The following ROBO1 variants were observed in gnomAD, a reference collection of about 807,000 sequenced individuals.
The protein encoded by ROBO1 is roundabout homolog 1.
Under a neutral mutation model 195.9 loss-of-function variants are expected in ROBO1, and 149 were observed. That is an observed-to-expected ratio of 0.76 (90% CI 0.67 to 0.87). ROBO1 has a LOEUF of 0.87. Ranked by LOEUF, ROBO1 falls within the 40% of genes least tolerant of loss-of-function variation. The pLI is 0.00. For synonymous variants in ROBO1, 816 were observed against 733.2 expected (o/e 1.11, Z -1.82); for missense variants, 1,933 against 2,068.3 (o/e 0.93, Z 1.27).
intron 28 of ROBO1, among the ~76,000 whole-genome samples, chr3:78,613,691 ATTC>A (rs1006009988): frequency 7.9e-5 from 12 of 152,336 alleles, no homozygotes; most frequent in African/African-American, 2.9e-4. Context: ...TTTGTATTAA[ATTC>A]TTCTGTCAAG....
At chr3:78,992,143 C>A (rs972553604) in intron 3 of ROBO1, among the ~76,000 whole-genome samples, 1 of 152,042 alleles carries the variant, frequency 6.6e-6, no homozygotes, top group Admixed American at 6.6e-5. Context: ...AGACTGAATA[C>A]AATTATTTGA....
At chr3:79,157,451 T>A (rs983873883) in intron 2 of ROBO1, among the ~76,000 whole-genome samples, 1 of 151,892 alleles carries the variant, frequency 6.6e-6, no homozygotes, top group Non-Finnish European at 1.5e-5. Flanking sequence ...GCCAGAGAGC[T>A]GTCTAAGGAT....
chr3:78,960,478 A>T (rs2107828437), intron 3 of ROBO1, among the ~76,000 whole-genome samples: 1 of 152,008 alleles, frequency 6.6e-6, no homozygotes, highest in Non-Finnish European at 1.5e-5. Context: ...GAAGAAGAAA[A>T]GTTAAAAGAA....
At chr3:79,319,958 T>G (rs991049622) in intron 2 of ROBO1, among the ~76,000 whole-genome samples, 5 of 152,214 alleles carry the variant, frequency 3.3e-5, no homozygotes, top group African/African-American at 1.2e-4. Context: ...GTCAAGAAGT[T>G]GTAAACTGTA....
chr3:79,707,454 A>G (rs1367010249), intron 1 of ROBO1, among the ~76,000 whole-genome samples: 1 of 151,922 alleles, frequency 6.6e-6, no homozygotes, highest in Non-Finnish European at 1.5e-5. Flanking sequence ...TTTTGCTCTC[A>G]TTGCTTTTTC....
At chr3:78,713,349 C>CT (rs1008160787) in intron 8 of ROBO1, among the ~76,000 whole-genome samples, 2 of 151,738 alleles carry the variant, frequency 1.3e-5, no homozygotes, top group African/African-American at 4.8e-5. Flanking sequence ...CAAAAGCCAC[C>CT]TTTTTTTTCT....
At chr3:79,272,362 C>G (rs527983854) in intron 2 of ROBO1, among the ~76,000 whole-genome samples, 8 of 151,950 alleles carry the variant, frequency 5.3e-5, no homozygotes, top group Admixed American at 3.3e-4. Flanking sequence ...GCAAGATGGC[C>G]AAGTAGAAGC....
At chr3:79,632,224 T>A (rs1351724066) in intron 1 of ROBO1, among the ~76,000 whole-genome samples, 1 of 152,088 alleles carries the variant, frequency 6.6e-6, no homozygotes, top group Non-Finnish European at 1.5e-5. Flanking sequence ...AGTCATAGAA[T>A]CATCTTAAGT....
chr3:79,046,909 C>G (rs531036666), intron 3 of ROBO1, among the ~76,000 whole-genome samples: 2 of 152,178 alleles, frequency 1.3e-5, no homozygotes, highest in African/African-American at 4.8e-5. Context: ...TTGTTATAAG[C>G]TTTTAATTAT....
intron 2 of ROBO1, among the ~76,000 whole-genome samples, chr3:79,271,563 C>T (rs1032152055): frequency 6.6e-6 from 1 of 152,100 alleles, no homozygotes; most frequent in South Asian, 2.1e-4. Context: ...ATGCTTTCTT[C>T]CTGCTCTTTT....
At chr3:79,550,226 GAAAAGA>G (rs1942457202) in intron 2 of ROBO1, among the ~76,000 whole-genome samples, 1 of 143,234 alleles carries the variant, frequency 7.0e-6, no homozygotes, top group Non-Finnish European at 1.5e-5. Flanking sequence ...GAAAAGAAAA[GAAAAGA>G]AAAGAAAAGA....
At chr3:79,284,422 T>C (rs1261964914) in intron 2 of ROBO1, among the ~76,000 whole-genome samples, 2 of 152,162 alleles carry the variant, frequency 1.3e-5, no homozygotes, top group Non-Finnish European at 2.9e-5. Flanking sequence ...CCATGGCACA[T>C]GTATACCTAT....
At chr3:79,520,519 T>A (rs1439546045) in intron 2 of ROBO1, among the ~76,000 whole-genome samples, 7 of 152,154 alleles carry the variant, frequency 4.6e-5, no homozygotes, top group Admixed American at 4.6e-4. Context: ...CCATGGCAAA[T>A]GTTTAATATT....
intron 1 of ROBO1, among the ~76,000 whole-genome samples, chr3:79,716,703 C>T (rs1019552979): frequency 6.6e-6 from 1 of 151,784 alleles, no homozygotes; most frequent in Non-Finnish European, 1.5e-5. Context: ...GCCAGTAATA[C>T]CAGCTGCACA....
intron 2 of ROBO1, among the ~76,000 whole-genome samples, chr3:79,309,288 G>A (rs972462868): frequency 1.3e-5 from 2 of 152,106 alleles, no homozygotes; most frequent in African/African-American, 2.4e-5. Context: ...TCACTGTGAG[G>A]CTGGGTGCAG....
At chr3:79,275,543 T>C (rs541818735) in intron 2 of ROBO1, among the ~76,000 whole-genome samples, 1 of 152,022 alleles carries the variant, frequency 6.6e-6, no homozygotes, top group South Asian at 2.1e-4. Context: ...GGAGAAAACC[T>C]GAAAGCCTTC....
At chr3:79,039,826 G>A (rs1199349520) in intron 3 of ROBO1, among the ~76,000 whole-genome samples, 2 of 32,454 alleles carry the variant, frequency 6.2e-5, no homozygotes, top group African/African-American at 2.2e-4. Flanking sequence ...AAAAAGTTAT[G>A]TCTATTAAGG....
At chr3:78,809,152 G>GAA (rs200022484) in intron 4 of ROBO1, among the ~76,000 whole-genome samples, 3 of 146,070 alleles carry the variant, frequency 2.1e-5, no homozygotes, top group African/African-American at 7.5e-5. Context: ...AAATTTACAA[G>GAA]AAAAAAAAAA....
chr3:79,384,708 A>T (rs551295729), intron 2 of ROBO1, among the ~76,000 whole-genome samples: 6 of 152,020 alleles, frequency 3.9e-5, no homozygotes, highest in Non-Finnish European at 8.8e-5. Flanking sequence ...GTTGCATTAC[A>T]ATCTGTTTAT....
Sources: gnomAD v4.1 joint callset for allele counts (sites outside exome capture counted in the v4.1 genomes callset) on GRCh38, gnomAD v4.1.1 for gene constraint, MANE v1.5 for transcripts, NCBI Gene and HGNC (gene_info 2026-07-23, HGNC 2026-07-21) for gene names.